CTNNA2: variants seen among roughly 807,000 people sequenced by gnomAD.
CTNNA2 encodes catenin alpha 2, also known as catenin alpha-2.
A neutral mutation model predicts 101.0 loss-of-function variants in CTNNA2; 42 were observed. That is an observed-to-expected ratio of 0.42 (90% CI 0.32 to 0.54). The LOEUF is 0.54. CTNNA2 is among the 20% of genes least tolerant of loss of function. The pLI is 0.14. For synonymous variants in CTNNA2, 450 were observed against 456.4 expected (o/e 0.99, Z 0.18); for missense variants, 871 against 1,223.1 (o/e 0.71, Z 4.29).
In CTNNA2 at chr2:79,791,982, A is replaced by T. The variant is rs144649704; in HGVS notation, c.298+47400A>T. Among the ~76,000 whole-genome samples, 388 of 152,336 alleles carry T rather than the reference A, an allele frequency of 2.5e-3. 3 individuals carry two copies. The highest frequency in any genetic ancestry group is 9.0e-3 in the African/African-American group (376 of 41,588). On this transcript the variant is annotated intron_variant, in intron 3 of 18. Coordinates refer to ENST00000402739, the MANE Select transcript of CTNNA2 (RefSeq NM_001282597.3). The stretch of plus-strand genomic sequence containing the variant: ...TCCTGCATTCGTAATTGAATTTCTT[A>T]AGAGTCAGGTGTAAATAAAATTAAA...
At position 79,201,103 on chromosome 2, in the gene CTNNA2, T is replaced by G. The variant is rs961464523; in HGVS notation, c.-406+3027T>G. ...TAAAACATTTCCCCCCCCCTTTTTT[T>G]GTGGAAATTTAGCCACATCAGAGGC... On this transcript the variant is annotated intron_variant, in intron 2 of 21. Transcript: ENST00000466387. Among the ~76,000 whole-genome samples the G allele has an allele frequency of 1.6e-3, 241 of 152,250 alleles. 1 individual carries two copies. The highest frequency in any genetic ancestry group is 2.6e-3 in the Non-Finnish European group (176 of 68,022).
At chr2:80,449,381 T>C (rs1034812273) in intron 9 of CTNNA2, among the ~76,000 whole-genome samples, 6 of 152,168 alleles carry the variant, frequency 3.9e-5, no homozygotes, top group African/African-American at 1.4e-4. Flanking sequence ...TAATATCTGT[T>C]CATTGCAAAA....
At chr2:79,475,428 C>T (rs916239766) in intron 4 of CTNNA2, among the ~76,000 whole-genome samples, 2 of 151,980 alleles carry the variant, frequency 1.3e-5, no homozygotes, top group Non-Finnish European at 2.9e-5. Context: ...CCTTAAGGAG[C>T]ACCCATTCAG....
Position 79,718,099 on chromosome 2 carries a change from G to C in CTNNA2, c.103-26288G>C, listed in dbSNP as rs139655651. 7.7e-3 allele frequency among the ~76,000 whole-genome samples: 1,166 copies of C among 152,116 alleles called. 5 individuals are homozygous for C. Among genetic ancestry groups the C allele is most frequent in the Middle Eastern group, 0.027 (8 of 292 alleles). On this transcript the variant is annotated intron_variant, in intron 2 of 18. Coordinates refer to ENST00000402739, the MANE Select transcript of CTNNA2 (RefSeq NM_001282597.3). The stretch of plus-strand genomic sequence containing the variant: ...GGGAATGCTTTTGTTTACATAAAAG[G>C]GAAAAGAAAAAAGTCAGCAGATGTG...
At chr2:79,508,460 A>T (rs1188817246), upstream of CTNNA2, among the ~76,000 whole-genome samples, 2 of 152,192 alleles carry the variant, frequency 1.3e-5, no homozygotes, top group African/African-American at 4.8e-5. Context: ...TCTATTAGGG[A>T]ACCTGAAGAT....
intron 12 of CTNNA2, among the ~76,000 whole-genome samples, chr2:80,571,669 A>G (rs73938515): frequency 0.015 from 2,265 of 152,196 alleles, 62 homozygotes; most frequent in African/African-American, 0.047. Flanking sequence ...TCCCACTCGA[A>G]CTTTGACCTC....
At chr2:79,829,541 G>C (rs1462607171) in intron 3 of CTNNA2, among the ~76,000 whole-genome samples, 1 of 151,064 alleles carries the variant, frequency 6.6e-6, no homozygotes, top group African/African-American at 2.4e-5. Context: ...TTGCACTCCA[G>C]GCTGGGTGAC....
intron 7 of CTNNA2, among the ~76,000 whole-genome samples, chr2:80,172,032 C>A (rs1022065387): frequency 6.6e-6 from 1 of 152,094 alleles, no homozygotes; most frequent in African/African-American, 2.4e-5. Flanking sequence ...TGTAAAGCAG[C>A]AAGGGAGAAA....
chr2:80,049,276 A>C (rs1422253063), intron 7 of CTNNA2, among the ~76,000 whole-genome samples: 1 of 152,128 alleles, frequency 6.6e-6, no homozygotes, highest in East Asian at 1.9e-4. Context: ...GCTGGAATTG[A>C]ATCTTGGCTC....
chr2:79,903,401 A>G (rs1323313907), intron 6 of CTNNA2, among the ~76,000 whole-genome samples: 1 of 151,996 alleles, frequency 6.6e-6, no homozygotes, highest in Non-Finnish European at 1.5e-5. Flanking sequence ...TCTAAACCCA[A>G]ACAGGATTAT....
At chr2:79,578,771 G>C (rs1235961427) in intron 1 of CTNNA2, among the ~76,000 whole-genome samples, 1 of 152,056 alleles carries the variant, frequency 6.6e-6, no homozygotes, top group Admixed American at 6.6e-5. Context: ...CTTAACTAAA[G>C]TTTGCTATAG....
intron 2 of CTNNA2, among the ~76,000 whole-genome samples, chr2:79,300,637 T>C (rs1676086464): frequency 6.6e-6 from 1 of 152,200 alleles, no homozygotes; most frequent in South Asian, 2.1e-4. Flanking sequence ...CTGAAGACTT[T>C]AACTCCTAAA....
At chr2:80,268,821 G>A (rs750649403) in intron 7 of CTNNA2, among the ~76,000 whole-genome samples, 3 of 152,136 alleles carry the variant, frequency 2.0e-5, no homozygotes, top group Non-Finnish European at 4.4e-5. Context: ...TATAGAAACA[G>A]GTGACCACTA....
intron 3 of CTNNA2, among the ~76,000 whole-genome samples, chr2:79,767,046 G>A (rs749944697): frequency 3.3e-5 from 5 of 151,968 alleles, no homozygotes; most frequent in Non-Finnish European, 7.4e-5. Flanking sequence ...GAGCCACTGC[G>A]CCTGGCCCTG....
At chr2:80,587,657 C>A (rs1696092187) in intron 14 of CTNNA2, among the ~76,000 whole-genome samples, 1 of 152,124 alleles carries the variant, frequency 6.6e-6, no homozygotes, top group South Asian at 2.1e-4. Context: ...TATAGTCCTT[C>A]CAAATTTATT....
At chr2:79,928,056 T>G (rs950681930) in intron 7 of CTNNA2, among the ~76,000 whole-genome samples, 9 of 152,204 alleles carry the variant, frequency 5.9e-5, no homozygotes, top group Admixed American at 5.2e-4. Flanking sequence ...TACGTTGGGT[T>G]TGTTGAATCT....
chr2:80,045,135 A>G (rs58874356), intron 7 of CTNNA2, among the ~76,000 whole-genome samples: 38,840 of 152,098 alleles, frequency 0.26, 6,629 homozygotes, highest in East Asian at 0.76. Flanking sequence ...GAATGTCCCA[A>G]GGGGGCCAGG....
intron 4 of CTNNA2, among the ~76,000 whole-genome samples, chr2:79,426,384 A>AAAC (rs1255590190): frequency 6.6e-6 from 1 of 152,148 alleles, no homozygotes; most frequent in Non-Finnish European, 1.5e-5. Context: ...TGGTAACATT[A>AAAC]TTTGTGTAGG....
rs117981958 is a variant in CTNNA2, at chr2:79,958,805, A to G, written c.1056+49008A>G. The stretch of plus-strand genomic sequence containing the variant: ...TTTTTCTTTTCATAAGATTGGCCCT[A>G]TCATTCCAGGTTGTTGAGAATATCT... On this transcript the variant is annotated intron_variant, in intron 7 of 18. Transcript: ENST00000402739. Among the ~76,000 whole-genome samples the G allele has an allele frequency of 4.0e-4, 60 of 151,854 alleles. 1 individual carries two copies. The East Asian group carries it at 9.7e-3, about 25-fold the overall frequency.
Sources: gnomAD v4.1 joint callset for allele counts (sites outside exome capture counted in the v4.1 genomes callset) on GRCh38, gnomAD v4.1.1 for gene constraint, MANE v1.5 for transcripts, NCBI Gene and HGNC (gene_info 2026-07-23, HGNC 2026-07-21) for gene names.